The following THSD4 variants were observed in gnomAD, a reference collection of about 807,000 sequenced individuals.
THSD4 encodes thrombospondin type 1 domain containing 4.
In THSD4, 69 loss-of-function variants were observed where a neutral mutation model predicts 119.0. The ratio of observed to expected loss-of-function variants is 0.58; its 90% CI spans 0.48 to 0.71. The LOEUF (loss-of-function observed/expected upper bound fraction) is 0.71. Ranked by LOEUF, THSD4 falls within the 30% of genes least tolerant of loss-of-function variation. The probability of loss-of-function intolerance (pLI) is 0.00; values close to 1 mark genes in which losing one functional copy is unlikely to be tolerated. For missense variants in THSD4, 1,393 were observed against 1,391.1 expected, an observed-to-expected ratio of 1.00 and a Z score of -0.02; for synonymous variants, 524 against 540.4, an observed-to-expected ratio of 0.97 and a Z score of 0.42.
chr15:71,593,552 G>A (rs896398063), intron 7 of THSD4, among the ~76,000 whole-genome samples: 14 of 151,856 alleles, frequency 9.2e-5, no homozygotes, highest in African/African-American at 3.4e-4. Flanking sequence ...CAGGATGACA[G>A]TGCCCTCCTA....
chr15:71,263,331 G>GTGTATATATATATATATATATA (rs1555458973), intron 6 of THSD4, among the ~76,000 whole-genome samples: 2 of 138,840 alleles, frequency 1.4e-5, no homozygotes, highest in African/African-American at 2.7e-5. Flanking sequence ...GTATTCCATG[G>GTGTATATATATATATATATATA]TATATATATA....
chr15:71,307,855 G>A (rs1339340843), intron 6 of THSD4, among the ~76,000 whole-genome samples: 1 of 152,186 alleles, frequency 6.6e-6, no homozygotes. Flanking sequence ...AAAGGAGAAG[G>A]CATATGGAGC....
At position 71,777,563 on chromosome 15, in the gene THSD4, G is replaced by A. The variant is rs553658530; in HGVS notation, c.*189G>A. ...GGCTTTTTACACAAGATGTTTGAAAGCCACAGTCAGTCCTTTAAGCATCAC... is the reference window on the plus strand; with the variant it reads ...GGCTTTTTACACAAGATGTTTGAAAACCACAGTCAGTCCTTTAAGCATCAC... On this transcript the variant is annotated 3_prime_UTR_variant, in exon 18 of 18. Coordinates refer to ENST00000261862, the MANE Select transcript of THSD4 (RefSeq NM_024817.3). The A allele has an allele frequency of 1.9e-4, 135 of 698,594 alleles. No homozygotes were observed. The African/African-American group carries it at 2.2e-3, about 12-fold the overall frequency. 43.3% of individuals were successfully genotyped at this position (698,594 alleles called of 1,614,324 possible).
In THSD4 at chr15:71,215,244, C is replaced by G; in HGVS notation, c.309C>G (p.His103Gln). ...PGAPARAFAD[H>Q]VVSAVRTSVP... is the part of the protein sequence containing the mutation. ...CCCCTGCGCGCGCCTTCGCGGACCA[C>G]GTGGTGTCGGCGGTGCGCACGTCGG... The change falls in exon 4 of 18, where the codon CAC becomes CAG. Residue 103 changes from histidine to glutamine, a missense_variant. Physicochemically the swap from His to Gln is conservative, Grantham distance 24. Transcript: ENST00000261862. The G allele has an allele frequency of 6.8e-7, 1 of 1,468,680 alleles. No individual in the cohort carries two copies. Among genetic ancestry groups the G allele is most frequent in the Non-Finnish European group, 9.0e-7 (1 of 1,116,758 alleles). The allele number at this position is 1,468,680 out of a possible 1,614,324, so 91.0% of individuals were successfully genotyped here.
chr15:71,638,951 G>C (rs1421348020), intron 7 of THSD4, among the ~76,000 whole-genome samples: 1 of 152,118 alleles, frequency 6.6e-6, no homozygotes, highest in African/African-American at 2.4e-5. Flanking sequence ...ATTTTAGATA[G>C]CTCCCTTCAA....
intron 6 of THSD4, among the ~76,000 whole-genome samples, chr15:71,339,532 A>G (rs1047164567): frequency 2.6e-5 from 4 of 152,054 alleles, no homozygotes; most frequent in East Asian, 1.9e-4. Flanking sequence ...TACATTATCT[A>G]TTATCGATCA....
At chr15:71,641,012 C>CACACTT (rs1402853406) in intron 7 of THSD4, among the ~76,000 whole-genome samples, 30 of 148,082 alleles carry the variant, frequency 2.0e-4, no homozygotes, top group African/African-American at 7.4e-4. Flanking sequence ...CACACACACA[C>CACACTT]ACTTACACAC....
At chr15:71,696,322 A>G (rs2052164811) in intron 8 of THSD4, among the ~76,000 whole-genome samples, 1 of 152,052 alleles carries the variant, frequency 6.6e-6, no homozygotes, top group South Asian at 2.1e-4. Flanking sequence ...AGGAGGAGGA[A>G]CCTCACTTTA....
intron 7 of THSD4, among the ~76,000 whole-genome samples, chr15:71,530,533 G>A (rs1027901884): frequency 4.6e-5 from 7 of 152,130 alleles, no homozygotes; most frequent in African/African-American, 7.2e-5. Flanking sequence ...AATATGACAT[G>A]CCCACGTATT....
intron 16 of THSD4, among the ~76,000 whole-genome samples, chr15:71,765,762 A>C (rs980466975): frequency 2.0e-5 from 3 of 148,880 alleles, no homozygotes; most frequent in African/African-American, 7.7e-5. Context: ...TAATTACTAC[A>C]TTACACAAAC....
chr15:71,193,793 C>T (rs574528513), intron 3 of THSD4, among the ~76,000 whole-genome samples: 36 of 152,232 alleles, frequency 2.4e-4, no homozygotes, highest in South Asian at 1.0e-3. Flanking sequence ...CTGCAAGCTC[C>T]GCCTCCCGGG....
intron 7 of THSD4, among the ~76,000 whole-genome samples, chr15:71,526,622 G>C (rs1188447545): frequency 2.0e-5 from 3 of 152,162 alleles, no homozygotes; most frequent in Admixed American, 2.0e-4. Flanking sequence ...TTATGGGTGG[G>C]ATGAACTGCA....
At chr15:71,712,651 C>T (rs1360424189) in intron 8 of THSD4, among the ~76,000 whole-genome samples, 2 of 152,116 alleles carry the variant, frequency 1.3e-5, no homozygotes, top group Non-Finnish European at 2.9e-5. Context: ...AATTGATAAG[C>T]CTCTATTCAC....
At chr15:71,535,231 C>T (rs1036892257) in intron 7 of THSD4, among the ~76,000 whole-genome samples, 1 of 152,186 alleles carries the variant, frequency 6.6e-6, no homozygotes, top group African/African-American at 2.4e-5. Context: ...AATCATTTAA[C>T]GAATGGTCTT....
intron 4 of THSD4, among the ~76,000 whole-genome samples, chr15:71,231,350 A>C (rs1391393366): frequency 1.3e-5 from 2 of 152,118 alleles, no homozygotes; most frequent in African/African-American, 2.4e-5. Context: ...CATGGAACTC[A>C]CATCCTGGGA....
At chr15:71,691,860 T>C (rs1214085480) in intron 8 of THSD4, among the ~76,000 whole-genome samples, 1 of 152,140 alleles carries the variant, frequency 6.6e-6, no homozygotes, top group African/African-American at 2.4e-5. Flanking sequence ...GGCGAATACA[T>C]GAGAGATTGG....
intron 6 of THSD4, among the ~76,000 whole-genome samples, chr15:71,396,987 C>T (rs192576175): frequency 1.9e-4 from 29 of 152,320 alleles, no homozygotes; most frequent in Non-Finnish European, 2.2e-4. Context: ...TACTGCTGTT[C>T]CCTGTTCAGG....
At chr15:71,142,567 G>A (rs1282031487) in intron 2 of THSD4, among the ~76,000 whole-genome samples, 2 of 151,904 alleles carry the variant, frequency 1.3e-5, no homozygotes, top group Non-Finnish European at 2.9e-5. Flanking sequence ...GATAAATACC[G>A]ACATTTGAAA....
At chr15:71,486,005 A>G (rs1340929348) in intron 7 of THSD4, among the ~76,000 whole-genome samples, 3 of 152,198 alleles carry the variant, frequency 2.0e-5, no homozygotes, top group African/African-American at 4.8e-5. Flanking sequence ...TAAATGCTGA[A>G]CAAATTGAAG....
Sources: gnomAD v4.1 joint callset for allele counts (sites outside exome capture counted in the v4.1 genomes callset) on GRCh38, gnomAD v4.1.1 for gene constraint, MANE v1.5 for transcripts, NCBI Gene and HGNC (gene_info 2026-07-23, HGNC 2026-07-21) for gene names.